The following MACROD2 variants were observed in gnomAD, a reference collection of about 807,000 sequenced individuals.
MACROD2 encodes the protein mono-ADP ribosylhydrolase 2.
Under a neutral mutation model 70.4 loss-of-function variants are expected in MACROD2, and 36 were observed. The ratio of observed to expected loss-of-function variants is 0.51; its 90% CI spans 0.39 to 0.68. The LOEUF (loss-of-function observed/expected upper bound fraction) is 0.68. Among genes scored for constraint, MACROD2 ranks in the 30% least tolerant of loss-of-function variants. MACROD2 has a pLI of 0.00. For synonymous variants in MACROD2, 172 were observed against 178.8 expected (o/e 0.96, Z 0.30); for missense variants, 496 against 538.4 (o/e 0.92, Z 0.78).
rs140239932 is a variant in MACROD2 at position 15,117,892 on chromosome 20, C to G, written c.419-112048C>G. On this transcript the variant is annotated intron_variant, in intron 5 of 17. Coordinates refer to ENST00000684519, the MANE Select transcript of MACROD2 (RefSeq NM_001351661.2). ...TTGTAGCCCTTTGCTCTTATTTAGC[C>G]CCAGAACCAGAACTTCTAGAATGAA... 1.2e-3 allele frequency among the ~76,000 whole-genome samples: 179 copies of G among 152,114 alleles called. 2 individuals are homozygous for G. The highest frequency in any genetic ancestry group is 1.5e-3 in the East Asian group (8 of 5,174).
chr20:15,761,293 G>A (rs1192422921), intron 8 of MACROD2, among the ~76,000 whole-genome samples: 2 of 152,200 alleles, frequency 1.3e-5, no homozygotes, highest in African/African-American at 2.4e-5. Context: ...TCATCTGCCT[G>A]CCTTGGCCTC....
chr20:14,830,461 A>T lies in MACROD2; in HGVS notation c.418+145502A>T, dbSNP rs1181568833. ...CATTCAAACACCAAATTTGAATATCATACTGAGTTTGTTTTTTACTTATTG... is the reference window on the plus strand; with the variant it reads ...CATTCAAACACCAAATTTGAATATCTTACTGAGTTTGTTTTTTACTTATTG... On this transcript the variant is annotated intron_variant, in intron 5 of 17. Coordinates refer to ENST00000684519, the MANE Select transcript of MACROD2 (RefSeq NM_001351661.2). 3.9e-5 allele frequency among the ~76,000 whole-genome samples: 6 copies of T among 152,182 alleles called. No individual in the cohort carries two copies. In the East Asian group the frequency reaches 7.7e-4, roughly 20 times the overall value.
chr20:14,325,920 C>T (rs780009029), intron 3 of MACROD2: 1 of 1,613,892 alleles, frequency 6.2e-7, no homozygotes, highest in East Asian at 2.2e-5. Flanking sequence ...TGATGGCAGC[C>T]AAAGGTAAAT....
At chr20:14,814,616 A>G (rs975236847) in intron 5 of MACROD2, among the ~76,000 whole-genome samples, 1 of 152,042 alleles carries the variant, frequency 6.6e-6, no homozygotes, top group East Asian at 1.9e-4. Flanking sequence ...TGGAGTTATA[A>G]TGCCTTCTAA....
intron 3 of MACROD2, among the ~76,000 whole-genome samples, chr20:14,131,689 A>G (rs975988151): frequency 9.2e-5 from 14 of 152,142 alleles, no homozygotes; most frequent in African/African-American, 2.7e-4. Flanking sequence ...TGGGTAATAC[A>G]TTTGGATAAT....
intron 15 of MACROD2, among the ~76,000 whole-genome samples, chr20:16,004,112 G>A (rs948845907): frequency 2.1e-4 from 32 of 152,096 alleles, no homozygotes; most frequent in African/African-American, 7.0e-4. Context: ...CTTCTTTAGC[G>A]TCACTGTGGA....
At chr20:15,468,181 T>G (rs2046919566) in intron 7 of MACROD2, among the ~76,000 whole-genome samples, 1 of 152,142 alleles carries the variant, frequency 6.6e-6, no homozygotes, top group Non-Finnish European at 1.5e-5. Context: ...CATAATTAAA[T>G]GCAGGATCCA....
At chr20:14,390,419 AAG>A (rs1347143524) in intron 3 of MACROD2, among the ~76,000 whole-genome samples, 2 of 152,348 alleles carry the variant, frequency 1.3e-5, no homozygotes, top group Non-Finnish European at 2.9e-5. Flanking sequence ...GAAACCAAAA[AAG>A]AGCCAGATAG....
At chr20:16,026,534 C>T (rs2067083143) in intron 15 of MACROD2, among the ~76,000 whole-genome samples, 1 of 152,194 alleles carries the variant, frequency 6.6e-6, no homozygotes, top group Admixed American at 6.5e-5. Context: ...AGCCCCATTT[C>T]ACCTGCCTCT....
chr20:15,462,120 A>G (rs1416422598), intron 7 of MACROD2, among the ~76,000 whole-genome samples: 1 of 152,188 alleles, frequency 6.6e-6, no homozygotes, highest in African/African-American at 2.4e-5. Context: ...CGTGGAATCT[A>G]GTTTCCAGAT....
intron 4 of MACROD2, among the ~76,000 whole-genome samples, chr20:14,534,403 A>T (rs531740167): frequency 1.5e-3 from 234 of 152,334 alleles, no homozygotes; most frequent in African/African-American, 5.3e-3. Flanking sequence ...ATAAATATGT[A>T]TTATGTTCTT....
chr20:15,683,649 GCT>G, intron 8 of MACROD2, among the ~76,000 whole-genome samples: 1 of 152,164 alleles, frequency 6.6e-6, no homozygotes. Flanking sequence ...CACAATCTCT[GCT>G]CACTGCAACC....
chr20:14,003,498 G>A (rs552678926), intron 2 of MACROD2: 3 of 254,208 alleles, frequency 1.2e-5, no homozygotes, highest in African/African-American at 6.8e-5. Context: ...CATCTGACCT[G>A]TCTGCCCAGT....
intron 5 of MACROD2, among the ~76,000 whole-genome samples, chr20:14,986,094 T>C (rs908165740): frequency 2.6e-5 from 4 of 152,222 alleles, no homozygotes; most frequent in Admixed American, 1.3e-4. Flanking sequence ...ACATCATAGT[T>C]GGCATAGAAA....
At chr20:14,720,567 T>G (rs867813247) in intron 5 of MACROD2, among the ~76,000 whole-genome samples, 27 of 112,844 alleles carry the variant, frequency 2.4e-4, no homozygotes, top group African/African-American at 4.0e-4. Flanking sequence ...TTTTTTTTTT[T>G]TTTGTGAGGC....
intron 9 of MACROD2, among the ~76,000 whole-genome samples, chr20:15,870,529 G>A (rs192760547): frequency 6.6e-5 from 10 of 152,196 alleles, no homozygotes; most frequent in African/African-American, 1.9e-4. Flanking sequence ...AGGCCATGAC[G>A]GCTCTAGCCT....
In MACROD2 at chr20:15,859,273, G is replaced by A. The variant is rs187138846; in HGVS notation, c.646-3472G>A. On this transcript the variant is annotated intron_variant, in intron 8 of 17. Coordinates refer to ENST00000684519, the MANE Select transcript of MACROD2 (RefSeq NM_001351661.2). ...AGGGGTGGTAGAGGTGGAGGAAGTG[G>A]AAGAGGAAGCAGAAGAGGCAGGCAT... 2.2e-3 allele frequency among the ~76,000 whole-genome samples: 338 copies of A among 152,188 alleles called. 2 individuals are homozygous for A. The highest frequency in any genetic ancestry group is 7.9e-3 in the African/African-American group (329 of 41,508).
At chr20:15,356,420 T>C (rs1254890531) in intron 6 of MACROD2, among the ~76,000 whole-genome samples, 4 of 152,170 alleles carry the variant, frequency 2.6e-5, no homozygotes. Flanking sequence ...AGTATAAAAG[T>C]TGAATATATC....
chr20:14,297,644 G>A (rs2082438358), intron 3 of MACROD2, among the ~76,000 whole-genome samples: 1 of 151,930 alleles, frequency 6.6e-6, no homozygotes, highest in African/African-American at 2.4e-5. Flanking sequence ...GCAGAGGTTG[G>A]TTCCTGAGGT....
Sources: gnomAD v4.1 joint callset for allele counts (sites outside exome capture counted in the v4.1 genomes callset) on GRCh38, gnomAD v4.1.1 for gene constraint, MANE v1.5 for transcripts, NCBI Gene and HGNC (gene_info 2026-07-23, HGNC 2026-07-21) for gene names.